FHOD1: variants seen among roughly 807,000 people sequenced by gnomAD.
FHOD1 encodes formin homology 2 domain containing 1, also known as FH1/FH2 domain-containing protein 1.
A neutral mutation model predicts 111.6 loss-of-function variants in FHOD1; 89 were observed. That is an observed-to-expected ratio of 0.80 (90% confidence interval 0.67 to 0.95). The LOEUF (loss-of-function observed/expected upper bound fraction) is 0.95, where lower values mean the gene tolerates loss of function less well. Ranked by LOEUF, FHOD1 falls within the 40% of genes least tolerant of loss-of-function variation. The probability of loss-of-function intolerance (pLI) is 0.00; values close to 1 mark genes in which losing one functional copy is unlikely to be tolerated. For missense variants in FHOD1, 1,446 were observed against 1,554.2 expected, an observed-to-expected ratio of 0.93 and a Z score of 1.17; for synonymous variants, 618 against 639.0, an observed-to-expected ratio of 0.97 and a Z score of 0.50.
chr16:67,230,347 C>T lies in FHOD1; in HGVS notation c.3018G>A (p.Glu1006=), dbSNP rs762793829. 2.5e-5 allele frequency: 41 copies of T among 1,614,136 alleles called. No individual in the cohort carries two copies. The highest frequency in any genetic ancestry group is 3.0e-5 in the Non-Finnish European group (35 of 1,180,046). ...QQQQKQATYR[E]RNKTRGRMIT... is the part of the protein sequence containing the mutation. ...TCATGCGTCCCCGGGTCTTGTTGCG[C>T]TCACGGTATGTGGCCTGCTTCTGCT... Residue 1006 remains glutamate (E), a synonymous_variant, in exon 19 of 22, where the codon GAG becomes GAA. Coordinates refer to ENST00000258201, the MANE Select transcript of FHOD1 (RefSeq NM_013241.3).
chr16:67,234,619 A>ACC, intron 11 of FHOD1, 147 bp from the exon 12 acceptor site: 5 of 604,996 alleles, frequency 8.3e-6, no homozygotes, highest in South Asian at 2.1e-5. Context: ...CCAGAACCAC[A>ACC]CCCCCCCCAA....
intron 1 of FHOD1, among the ~76,000 whole-genome samples, chr16:67,242,114 G>A (rs921244599): frequency 2.6e-5 from 4 of 152,076 alleles, no homozygotes; most frequent in Non-Finnish European, 4.4e-5. Flanking sequence ...GGTTACAGGC[G>A]TGCATCACCA....
intron 13 of FHOD1, among the ~76,000 whole-genome samples, chr16:67,233,066 T>G (rs2034339269): frequency 6.6e-6 from 1 of 151,552 alleles, no homozygotes; most frequent in Admixed American, 6.6e-5. Context: ...TAATTTTTTT[T>G]TTAACATTTA....
Position 67,237,912 on chromosome 16 carries a change from G to A in FHOD1, c.642+122C>T. ...TGGCCCCAGGCCCAGGCACTGAAGT[G>A]CCTTATAGGCTTACAGAGGCCTCAG... is the stretch of plus-strand genomic sequence containing the variant. On this transcript the variant is annotated intron_variant, in intron 6 of 21. Coordinates refer to ENST00000258201, the MANE Select transcript of FHOD1 (RefSeq NM_013241.3). The surrounding 1 kb of genome is among the most constrained non-coding windows in gnomAD (Gnocchi z 5.6). 1.5e-6 allele frequency: 2 copies of A among 1,315,542 alleles called. No individual in the cohort carries two copies. The highest frequency in any genetic ancestry group is 4.6e-5 in the East Asian group (2 of 43,292). 81.5% of individuals were successfully genotyped at this position (1,315,542 alleles called of 1,614,324 possible). A position where few individuals can be genotyped will look rare whatever the true frequency, so the allele number is the denominator to read the frequency against.
chr16:67,233,337 C>T (rs914812799), intron 13 of FHOD1, among the ~76,000 whole-genome samples: 6 of 152,112 alleles, frequency 3.9e-5, no homozygotes, highest in African/African-American at 7.2e-5. Flanking sequence ...CCACCTGCCT[C>T]GGCCTCCCAA....
At position 67,232,285 on chromosome 16, in the gene FHOD1, A is replaced by G. The variant is rs961602195; in HGVS notation, c.2047-91T>C. The G allele has an allele frequency of 4.5e-6, 6 of 1,330,592 alleles. No individual in the cohort carries two copies. In the African/African-American group the frequency reaches 5.8e-5, roughly 13 times the overall value. The allele number at this position is 1,330,592 out of a possible 1,614,324, so 82.4% of individuals were successfully genotyped here. On this transcript the variant is annotated intron_variant, in intron 13 of 21. Transcript: ENST00000258201. Reference sequence around the variant, plus strand: ...GTAATCCCAGCACTTTGGGAGGCCAAGGCGGGTGGACCACGAGGTCAGGAG... The same window carrying G: ...GTAATCCCAGCACTTTGGGAGGCCAGGGCGGGTGGACCACGAGGTCAGGAG...
chr16:67,234,351 A>G lies in FHOD1; in HGVS notation c.1435+6T>C. ...GCAGGCTCTGCCTGCTCACCCACCTACTCACCTGGGTGTCCACCCGCCTCA... is the reference window on the plus strand; with the variant it reads ...GCAGGCTCTGCCTGCTCACCCACCTGCTCACCTGGGTGTCCACCCGCCTCA... On this transcript the variant is annotated splice_donor_region_variant and intron_variant, in intron 12 of 21. Coordinates refer to ENST00000258201, the MANE Select transcript of FHOD1 (RefSeq NM_013241.3). 2 of 1,608,120 alleles carry G rather than the reference A, an allele frequency of 1.2e-6. No individual in the cohort carries two copies. Among genetic ancestry groups the G allele is most frequent in the Non-Finnish European group, 8.5e-7 (1 of 1,178,124 alleles).
rs761241527 is a variant in FHOD1 at position 67,230,356 on chromosome 16, T to C, written c.3009A>G (p.Thr1003=). 3 of 1,614,126 alleles carry C rather than the reference T, an allele frequency of 1.9e-6. No individual in the cohort carries two copies. Among genetic ancestry groups the C allele is most frequent in the East Asian group, 2.2e-5 (1 of 44,896 alleles). The change falls in exon 19 of 22, where the codon ACA becomes ACG. Residue 1003 remains threonine (T), a synonymous_variant. Transcript: ENST00000258201. Reference sequence around the variant, plus strand: ...CCCGGGTCTTGTTGCGCTCACGGTATGTGGCCTGCTTCTGCTGCTGCTGTA... The same window carrying C: ...CCCGGGTCTTGTTGCGCTCACGGTACGTGGCCTGCTTCTGCTGCTGCTGTA... The part of the protein sequence containing the change: ...RVLQQQQKQA[T]YRERNKTRGR...
In FHOD1 at chr16:67,231,938, A is replaced by C; in HGVS notation, c.2202+101T>G. The C allele has an allele frequency of 6.4e-7, 1 of 1,553,702 alleles. No individual in the cohort carries two copies. Among genetic ancestry groups the C allele is most frequent in the Non-Finnish European group, 8.7e-7 (1 of 1,145,936 alleles). On this transcript the variant is annotated intron_variant, in intron 14 of 21. Coordinates refer to ENST00000258201, the MANE Select transcript of FHOD1 (RefSeq NM_013241.3). The surrounding 1 kb of genome is among the most constrained non-coding windows in gnomAD (Gnocchi z 4.3). ...CCAGTGTCTGGGGACTGCCCTGCAG[A>C]AATGCCAAGCCCATGCCCACCACCA... is the stretch of plus-strand genomic sequence containing the variant.
At chr16:67,234,537 T>C (rs2034411294) in intron 11 of FHOD1, 65 bp from the exon 12 acceptor site, 10 of 1,415,862 alleles carry the variant, frequency 7.1e-6, no homozygotes, top group African/African-American at 2.8e-5. Flanking sequence ...CATGCCTTGC[T>C]GAGCCCCTGG....
At chr16:67,246,401 G>T (rs900421840) in intron 1 of FHOD1, among the ~76,000 whole-genome samples, 1 of 152,210 alleles carries the variant, frequency 6.6e-6, no homozygotes, top group Non-Finnish European at 1.5e-5. Flanking sequence ...GGGGGCTGAC[G>T]GCGGCGAGAG....
chr16:67,232,051 C>T lies in FHOD1; in HGVS notation c.2190G>A (p.Lys730=). ...TGGGTGACCTCACCTCAATGCCATC[C>T]TTGCTGACAGCAAACTCATCAAAGT... The part of the protein sequence containing the change: ...LLNFDEFAVS[K]DGIEKLLTMM... The change falls in exon 14 of 22, where the codon AAG becomes AAA. Residue 730 remains lysine (K), a synonymous_variant. Coordinates refer to ENST00000258201, the MANE Select transcript of FHOD1 (RefSeq NM_013241.3). 1 of 1,614,224 alleles carries T rather than the reference C, an allele frequency of 6.2e-7. No homozygotes were observed. Among genetic ancestry groups the T allele is most frequent in the Non-Finnish European group, 8.5e-7 (1 of 1,180,030 alleles).
chr16:67,237,231 C>T lies in FHOD1; in HGVS notation c.993+8G>A, dbSNP rs777100571. ...CCAATCCGCCTCAGAGCGTAAGGCC[C>T]GGCCCACCTCGTAGAGCACAAGCTG... On this transcript the variant is annotated splice_region_variant and intron_variant, in intron 9 of 21. Coordinates refer to ENST00000258201, the MANE Select transcript of FHOD1 (RefSeq NM_013241.3). This position sits in a 1 kb window ranked among gnomAD's most constrained non-coding sequence, Gnocchi z 5.6. The T allele has an allele frequency of 1.9e-6, 3 of 1,612,264 alleles. No homozygotes were observed. Among genetic ancestry groups the T allele is most frequent in the Admixed American group, 1.7e-5 (1 of 59,966 alleles).
chr16:67,238,574 T>A lies in FHOD1; in HGVS notation c.374-127A>T. 3.3e-6 allele frequency: 3 copies of A among 896,776 alleles called. No individual in the cohort carries two copies. Among genetic ancestry groups the A allele is most frequent in the Non-Finnish European group, 5.3e-6 (3 of 560,772 alleles). The allele number at this position is 896,776 out of a possible 1,614,324, so 55.6% of individuals were successfully genotyped here. Reference sequence around the variant, plus strand: ...ATGTTTTGGTCTGAGAGACAGGGTCTCACTCTGTCACTCAGGCTGGAGTGT... The same window carrying A: ...ATGTTTTGGTCTGAGAGACAGGGTCACACTCTGTCACTCAGGCTGGAGTGT... On this transcript the variant is annotated intron_variant, in intron 3 of 21. Transcript: ENST00000258201. The surrounding 1 kb of genome is among the most constrained non-coding windows in gnomAD (Gnocchi z 4.2).
Position 67,231,158 on chromosome 16 carries a change from C to A in FHOD1, c.2667+30G>T. 1 of 1,611,438 alleles carries A rather than the reference C, an allele frequency of 6.2e-7. No homozygotes were observed. Among genetic ancestry groups the A allele is most frequent in the Non-Finnish European group, 8.5e-7 (1 of 1,178,370 alleles). ...GAAGCAGCGCTCCTCATGCCTTGTC[C>A]GGCCTTGGTTGATTCTGGCAGGTGC... is the stretch of plus-strand genomic sequence containing the variant. On this transcript the variant is annotated intron_variant, in intron 17 of 21. Transcript: ENST00000258201. This position sits in a 1 kb window ranked among gnomAD's most constrained non-coding sequence, Gnocchi z 4.3.
chr16:67,247,085 C>T (rs2034881420), intron 1 of FHOD1, 125 bp downstream of exon 1: 1 of 1,171,394 alleles, frequency 8.5e-7, no homozygotes, highest in Admixed American at 3.0e-5. Context: ...CCTGGGACCC[C>T]AGCCCAAGAC....
chr16:67,244,743 C>G (rs1035953125), intron 1 of FHOD1, among the ~76,000 whole-genome samples: 1 of 152,172 alleles, frequency 6.6e-6, no homozygotes, highest in Admixed American at 6.5e-5. Flanking sequence ...ACAGAGGCCA[C>G]TTGGCTGTGT....
At position 67,237,938 on chromosome 16, in the gene FHOD1, A is replaced by G; in HGVS notation, c.642+96T>C. 1 of 1,411,198 alleles carries G rather than the reference A, an allele frequency of 7.1e-7. No individual in the cohort carries two copies. Among genetic ancestry groups the G allele is most frequent in the African/African-American group, 1.4e-5 (1 of 70,910 alleles). The allele number at this position is 1,411,198 out of a possible 1,614,324, so 87.4% of individuals were successfully genotyped here. On this transcript the variant is annotated intron_variant, in intron 6 of 21. Coordinates refer to ENST00000258201, the MANE Select transcript of FHOD1 (RefSeq NM_013241.3). The surrounding 1 kb of genome is among the most constrained non-coding windows in gnomAD (Gnocchi z 5.6). ...CCTTATAGGCTTACAGAGGCCTCAGACTCACTCCCTTCCAGCTCACTTTGC... is the reference window on the plus strand; with the variant it reads ...CCTTATAGGCTTACAGAGGCCTCAGGCTCACTCCCTTCCAGCTCACTTTGC...
chr16:67,236,611 G>C lies in FHOD1; in HGVS notation c.1265C>G (p.Pro422Arg). Residue 422 changes from proline to arginine, a missense_variant, in exon 11 of 22, where the codon CCT (proline) becomes CGT (arginine). Pro to Arg is a moderately radical substitution (Grantham distance 103). This residue lies in a region of FHOD1 where 1,085 missense variants were observed against 1,108.8 expected (regional missense o/e 0.98). Coordinates refer to ENST00000258201, the MANE Select transcript of FHOD1 (RefSeq NM_013241.3). ...SGLQASVNLF[P>R]TISVAPSADT... The stretch of plus-strand genomic sequence containing the variant: ...AGCTGAGGGTGCCACAGAGATGGTA[G>C]GAAAAAGGTTCACTGAAGCTTGGAG... 6.2e-7 allele frequency: 1 copy of C among 1,613,776 alleles called. No homozygotes were observed. The highest frequency in any genetic ancestry group is 2.2e-5 in the East Asian group (1 of 44,878).
Sources: gnomAD v4.1 joint callset for allele counts (sites outside exome capture counted in the v4.1 genomes callset) on GRCh38, gnomAD v4.1.1 for gene constraint, gnomAD v4.1.1 regional missense constraint, Gnocchi (gnomAD v3.1) non-coding constraint, MANE v1.5 for transcripts, NCBI Gene and HGNC (gene_info 2026-07-23, HGNC 2026-07-21) for gene names.